The following LUC7L variants were observed in gnomAD, a reference collection of about 807,000 sequenced individuals.
LUC7L encodes putative RNA-binding protein Luc7-like 1.
In LUC7L, 29 loss-of-function variants were observed where a neutral mutation model predicts 51.1. The observed-to-expected ratio is 0.57, with a 90% CI of 0.42 to 0.77. LUC7L has a LOEUF of 0.77. Ranked by LOEUF, LUC7L falls within the 30% of genes least tolerant of loss-of-function variation. The pLI, the probability that LUC7L is intolerant of heterozygous loss-of-function variation, is 0.00. For missense variants in LUC7L, 403 were observed against 511.9 expected (o/e 0.79, Z 2.05); for synonymous variants, 181 against 180.7 (o/e 1.00, Z -0.01).
rs1185546383 is a variant in LUC7L at position 190,531 on chromosome 16, G to C, written c.806+10C>G. 6.2e-7 allele frequency: 1 copy of C among 1,613,598 alleles called. No homozygotes were observed. The highest frequency in any genetic ancestry group is 1.7e-5 in the Admixed American group (1 of 59,972). On this transcript the variant is annotated intron_variant, in intron 8 of 9. Transcript: ENST00000293872. ...AATTTGAGAACATTTTAATGGACCT[G>C]GAAACCTACCTCCTGCGATCTCTGG...
intron 6 of LUC7L, 95 bp from the exon 7 acceptor site, chr16:193,110 G>T: frequency 1.0e-6 from 1 of 967,528 alleles, no homozygotes; most frequent in Non-Finnish European, 1.6e-6. Context: ...GCTCAGTATT[G>T]GTAATTTAAA....
At chr16:196,319 T>C (rs901375363) in intron 6 of LUC7L, among the ~76,000 whole-genome samples, 1 of 151,230 alleles carries the variant, frequency 6.6e-6, no homozygotes, top group Non-Finnish European at 1.5e-5. Flanking sequence ...GAGGCAGGAG[T>C]ATCTCTTGAA....
chr16:208,131 T>C lies in LUC7L; in HGVS notation c.313A>G (p.Lys105Glu). 6.2e-7 allele frequency: 1 copy of C among 1,613,672 alleles called. No homozygotes were observed. The highest frequency in any genetic ancestry group is 2.2e-5 in the East Asian group (1 of 44,874). ...AECDRRTELA[K>E]KRLAETQEEI... is the part of the protein sequence containing the mutation. ...TCCTGTGTTTCTGCCAGCCGCTTCT[T>C]GGCGAGCTCAGTTCTCCGATCACAT... Residue 105 changes from lysine (K) to glutamate (E), a missense_variant, in exon 4 of 10, where the codon AAG becomes GAG. Lys to Glu is a moderately conservative substitution (Grantham distance 56). Around this residue, in one of 3 missense-constraint regions of LUC7L, gnomAD observed 182 missense variants for 248.4 expected, o/e 0.73. Coordinates refer to ENST00000293872, the MANE Select transcript of LUC7L (RefSeq NM_201412.3).
chr16:189,608 C>T, intron 9 of LUC7L: 1 of 1,338,996 alleles, frequency 7.5e-7, no homozygotes, highest in Non-Finnish European at 9.6e-7. Flanking sequence ...ATGCACAGAA[C>T]ATGACACTAC....
At chr16:198,588 C>A (rs1045401534) in intron 6 of LUC7L, among the ~76,000 whole-genome samples, 2 of 152,198 alleles carry the variant, frequency 1.3e-5, no homozygotes, top group African/African-American at 4.8e-5. Context: ...CTCCAAGGCT[C>A]CTTTGGACTC....
chr16:205,024 A>G (rs2049443184), intron 5 of LUC7L, among the ~76,000 whole-genome samples: 1 of 152,202 alleles, frequency 6.6e-6, no homozygotes, highest in African/African-American at 2.4e-5. Flanking sequence ...AGCTCCACAC[A>G]ATGGCAACAG....
chr16:222,397 G>A (rs991117847), intron 2 of LUC7L, among the ~76,000 whole-genome samples: 2 of 151,766 alleles, frequency 1.3e-5, no homozygotes, highest in Non-Finnish European at 2.9e-5. Flanking sequence ...AACACCTTTG[G>A]GAGGGCAAGA....
chr16:214,719 A>G (rs1411113417), intron 3 of LUC7L, among the ~76,000 whole-genome samples: 3 of 152,122 alleles, frequency 2.0e-5, no homozygotes, highest in Non-Finnish European at 2.9e-5. Context: ...GTGTACAGAC[A>G]GGGTTTGTCA....
chr16:217,830 G>A (rs1567189192), intron 3 of LUC7L, among the ~76,000 whole-genome samples: 2 of 151,988 alleles, frequency 1.3e-5, no homozygotes, highest in Admixed American at 1.3e-4. Context: ...CCTGAGGTCA[G>A]GAGTTTGAGA....
chr16:202,561 T>C (rs1054023489), intron 5 of LUC7L, among the ~76,000 whole-genome samples: 6 of 152,202 alleles, frequency 3.9e-5, no homozygotes, highest in African/African-American at 1.2e-4. Flanking sequence ...CACAGTAACA[T>C]GCTGTACAGG....
chr16:226,952 T>C (rs2050147209), intron 2 of LUC7L, among the ~76,000 whole-genome samples: 1 of 152,170 alleles, frequency 6.6e-6, no homozygotes, highest in Admixed American at 6.6e-5. Flanking sequence ...CTCATGCCTG[T>C]AGTACCAGCT....
intron 3 of LUC7L, among the ~76,000 whole-genome samples, chr16:216,716 A>T (rs894510126): frequency 2.6e-5 from 4 of 152,138 alleles, no homozygotes; most frequent in Non-Finnish European, 2.9e-5. Context: ...AAGGTCAAAA[A>T]TGACTTTTAG....
At chr16:212,305 C>T (rs950821875) in intron 3 of LUC7L, among the ~76,000 whole-genome samples, 39 of 152,150 alleles carry the variant, frequency 2.6e-4, no homozygotes, top group African/African-American at 8.9e-4. Context: ...AAAAACACAG[C>T]CGCAGAGGAG....
chr16:195,105 T>C (rs1567173703), intron 6 of LUC7L, among the ~76,000 whole-genome samples: 1 of 152,082 alleles, frequency 6.6e-6, no homozygotes, highest in Non-Finnish European at 1.5e-5. Flanking sequence ...AGGGCACACA[T>C]GGATGGACAC....
chr16:227,801 A>T (rs2050168444), intron 1 of LUC7L: 1 of 999,196 alleles, frequency 1.0e-6, no homozygotes, highest in African/African-American at 1.7e-5. Flanking sequence ...AATGAAGAAG[A>T]AAGCTTTCAA....
intron 2 of LUC7L, among the ~76,000 whole-genome samples, chr16:225,599 G>C (rs1422889333): frequency 1.4e-5 from 2 of 146,006 alleles, no homozygotes; most frequent in Non-Finnish European, 3.0e-5. Context: ...TGACTCTCCT[G>C]CCTCAGTCTC....
Position 190,945 on chromosome 16 carries a change from G to C in LUC7L, c.777-375C>G, listed in dbSNP as rs115584268. 2.0e-3 allele frequency: 348 copies of C among 177,776 alleles called. 2 individuals are homozygous for C. The highest frequency in any genetic ancestry group is 7.8e-3 in the African/African-American group (331 of 42,324). The allele number at this position is 177,776 out of a possible 1,614,324, so 11.0% of individuals were successfully genotyped here. ...CCCTATTCCTCACCCTCTTGGGGGA[G>C]GACTCCAAATTTAAGAAGTGAGGCA... On this transcript the variant is annotated intron_variant, in intron 7 of 9. Coordinates refer to ENST00000293872, the MANE Select transcript of LUC7L (RefSeq NM_201412.3).
At chr16:207,006 T>C (rs1308816503) in intron 4 of LUC7L, among the ~76,000 whole-genome samples, 29 of 151,192 alleles carry the variant, frequency 1.9e-4, no homozygotes, top group African/African-American at 6.6e-4. Flanking sequence ...GAGACCATCC[T>C]GGCTAACACA....
At position 189,462 on chromosome 16, in the gene LUC7L, C is replaced by A. The variant is rs2048950747; in HGVS notation, c.975-123G>T. The stretch of plus-strand genomic sequence containing the variant: ...GCCCTACATCCCCTATACCTGGAAA[C>A]CCCCCGGAGGCCAACCAGACTTGCC... On this transcript the variant is annotated intron_variant, in intron 9 of 9. Transcript: ENST00000293872. 5 of 1,427,696 alleles carry A rather than the reference C, an allele frequency of 3.5e-6. No individual in the cohort carries two copies. In the South Asian group the frequency reaches 7.6e-5, roughly 22 times the overall value. 88.4% of individuals were successfully genotyped at this position (1,427,696 alleles called of 1,614,324 possible). A position where few individuals can be genotyped will look rare whatever the true frequency, so the allele number is the denominator to read the frequency against.
Sources: gnomAD v4.1 joint callset for allele counts (sites outside exome capture counted in the v4.1 genomes callset) on GRCh38, gnomAD v4.1.1 for gene constraint, gnomAD v4.1.1 regional missense constraint, MANE v1.5 for transcripts, NCBI Gene and HGNC (gene_info 2026-07-23, HGNC 2026-07-21) for gene names.